Variants in SYT7 observed in about 807,000 individuals in gnomAD.
The protein encoded by SYT7 is synaptotagmin-7.
Under a neutral mutation model 75.1 loss-of-function variants are expected in SYT7, and 29 were observed. The observed-to-expected ratio is 0.39, with a 90% confidence interval of 0.29 to 0.53. The LOEUF is 0.53. Ranked by LOEUF, SYT7 falls within the 20% of genes least tolerant of loss-of-function variation. The pLI is 0.77. For synonymous variants in SYT7, 376 were observed against 401.7 expected (o/e 0.94, Z 0.76); for missense variants, 693 against 953.2 (o/e 0.73, Z 3.59).
At chr11:61,549,182 A>T (rs1222333340) in intron 3 of SYT7, among the ~76,000 whole-genome samples, 3 of 152,008 alleles carry the variant, frequency 2.0e-5, no homozygotes, top group Admixed American at 1.3e-4. Context: ...CCAGAAAAAA[A>T]ATCCACCCAG....
At chr11:61,520,553 G>A (rs969164046) in intron 12 of SYT7, among the ~76,000 whole-genome samples, 4 of 151,676 alleles carry the variant, frequency 2.6e-5, no homozygotes, top group South Asian at 2.1e-4. Context: ...GGTCAGGCAC[G>A]GTGGCTCCTG....
rs1163749295 is a variant in SYT7, at chr11:61,523,416, G to C, written c.1757-142C>G. On this transcript the variant is annotated intron_variant, in intron 11 of 12. Coordinates refer to ENST00000539008, the MANE Select transcript of SYT7 (RefSeq NM_001365809.2). The surrounding 1 kb of genome is among the most constrained non-coding windows in gnomAD (Gnocchi z 5.0). ...CAAGGAAAGACCCAGGCAAGAACAAGAGGGACCTGGGAGAATCAGCAGATG... is the reference window on the plus strand; with the variant it reads ...CAAGGAAAGACCCAGGCAAGAACAACAGGGACCTGGGAGAATCAGCAGATG... 1.7e-5 allele frequency: 13 copies of C among 770,204 alleles called. No homozygotes were observed. The allele number at this position is 770,204 out of a possible 1,614,324, so 47.7% of individuals were successfully genotyped here.
At position 61,551,813 on chromosome 11, in the gene SYT7, G is replaced by A. The variant is rs568603479; in HGVS notation, c.136-350C>T. On this transcript the variant is annotated intron_variant, in intron 2 of 12. Coordinates refer to ENST00000539008, the MANE Select transcript of SYT7 (RefSeq NM_001365809.2). The surrounding 1 kb of genome is among the most constrained non-coding windows in gnomAD (Gnocchi z 5.3). The stretch of plus-strand genomic sequence containing the variant: ...TGCCACGGACAGACGGCTCTCAGGC[G>A]CCTGGCCACGTCACACTGTCCACGT... 3.3e-5 allele frequency among the ~76,000 whole-genome samples: 5 copies of A among 152,142 alleles called. No homozygotes were observed. Among genetic ancestry groups the A allele is most frequent in the East Asian group, 3.9e-4 (2 of 5,186 alleles).
chr11:61,543,498 T>C (rs1468794814), intron 5 of SYT7, among the ~76,000 whole-genome samples: 1 of 152,242 alleles, frequency 6.6e-6, no homozygotes, highest in Non-Finnish European at 1.5e-5. Flanking sequence ...AGATGCAGTA[T>C]AGCCTCAGAG....
chr11:61,528,310 G>T, intron 8 of SYT7, 125 bp from the exon 9 acceptor site: 1 of 1,209,374 alleles, frequency 8.3e-7, no homozygotes, highest in Non-Finnish European at 1.1e-6. Flanking sequence ...TCCCACGGAC[G>T]CTGCTCAGGC....
intron 1 of SYT7, among the ~76,000 whole-genome samples, chr11:61,579,249 A>G (rs1197648427): frequency 6.6e-6 from 1 of 152,234 alleles, no homozygotes; most frequent in East Asian, 1.9e-4. Context: ...GGCTTCTAAG[A>G]AGGTGAGCAG....
chr11:61,534,452 C>CACAA (rs1555004888), intron 7 of SYT7, among the ~76,000 whole-genome samples: 3 of 150,204 alleles, frequency 2.0e-5, no homozygotes, highest in African/African-American at 7.3e-5. Context: ...CACGCACACA[C>CACAA]GCACGTGCGT....
chr11:61,520,980 G>A (rs2062309599), intron 12 of SYT7, among the ~76,000 whole-genome samples: 1 of 152,230 alleles, frequency 6.6e-6, no homozygotes, highest in Non-Finnish European at 1.5e-5. Context: ...CATGTCATGT[G>A]CTCAGCTGGG....
At chr11:61,559,551 G>C (rs2063585679) in intron 1 of SYT7, among the ~76,000 whole-genome samples, 1 of 152,130 alleles carries the variant, frequency 6.6e-6, no homozygotes, top group Non-Finnish European at 1.5e-5. Flanking sequence ...ACAAGCTCAT[G>C]ATCTGGTAGC....
chr11:61,537,768 C>A (rs984858491), intron 7 of SYT7, among the ~76,000 whole-genome samples: 1 of 152,172 alleles, frequency 6.6e-6, no homozygotes, highest in Non-Finnish European at 1.5e-5. Context: ...TCCCCCCCGC[C>A]CACCAACCAC....
At chr11:61,547,785 T>C (rs2063235779) in intron 3 of SYT7, among the ~76,000 whole-genome samples, 1 of 152,070 alleles carries the variant, frequency 6.6e-6, no homozygotes, top group Non-Finnish European at 1.5e-5. Flanking sequence ...GGGCCCTACC[T>C]CTCCTGGCCT....
chr11:61,522,448 C>T (rs1055205776), intron 12 of SYT7, among the ~76,000 whole-genome samples: 4 of 152,160 alleles, frequency 2.6e-5, no homozygotes, highest in African/African-American at 9.7e-5. Flanking sequence ...TCTTGGCCTC[C>T]CAAAGTGCTG....
At chr11:61,545,682 T>C (rs975364971) in intron 5 of SYT7, among the ~76,000 whole-genome samples, 1 of 152,066 alleles carries the variant, frequency 6.6e-6, no homozygotes, top group Non-Finnish European at 1.5e-5. Flanking sequence ...CTGCTGCCCA[T>C]GGAGGGATGA....
intron 12 of SYT7, among the ~76,000 whole-genome samples, chr11:61,520,460 A>G (rs1336840305): frequency 3.9e-5 from 6 of 152,030 alleles, no homozygotes; most frequent in Admixed American, 3.9e-4. Flanking sequence ...GGGGAGGTCG[A>G]GGCTGCAGTC....
intron 1 of SYT7, among the ~76,000 whole-genome samples, chr11:61,565,935 C>A (rs942075954): frequency 4.6e-5 from 7 of 152,248 alleles, no homozygotes; most frequent in Admixed American, 4.6e-4. Flanking sequence ...TAGATGCAGA[C>A]GGTTTAGAAT....
Position 61,515,456 on chromosome 11 carries a change from T to C in SYT7, c.*3171A>G, listed in dbSNP as rs1458439849. ...TGGAAAAATTTTGTATGGTTCTTTTTTTCCTGTTTTTTTTTTTTCTTCAGT... is the reference window on the plus strand; with the variant it reads ...TGGAAAAATTTTGTATGGTTCTTTTCTTCCTGTTTTTTTTTTTTCTTCAGT... On this transcript the variant is annotated 3_prime_UTR_variant, in exon 13 of 13. Transcript: ENST00000539008. 2 of 149,732 alleles carry C rather than the reference T, an allele frequency of 1.3e-5. No individual in the cohort carries two copies. Among genetic ancestry groups the C allele is most frequent in the Non-Finnish European group, 3.0e-5 (2 of 67,180 alleles). The allele number at this position is 149,732 out of a possible 1,614,324, so 9.3% of individuals were successfully genotyped here.
chr11:61,579,882 G>A lies in SYT7; in HGVS notation c.31+908C>T, dbSNP rs544728957. On this transcript the variant is annotated intron_variant, in intron 1 of 12. Coordinates refer to ENST00000539008, the MANE Select transcript of SYT7 (RefSeq NM_001365809.2). The stretch of plus-strand genomic sequence containing the variant: ...TGCTGGGACTGGGTGGAGCACCCCA[G>A]GTGGGAGCGGGGATGGAGCCTGGGC... 5.9e-5 allele frequency among the ~76,000 whole-genome samples: 9 copies of A among 152,356 alleles called. No individual in the cohort carries two copies. The South Asian group carries it at 1.9e-3, about 32-fold the overall frequency.
intron 1 of SYT7, among the ~76,000 whole-genome samples, chr11:61,573,408 G>A (rs1590955256): frequency 6.6e-6 from 1 of 152,140 alleles, no homozygotes; most frequent in African/African-American, 2.4e-5. Context: ...CAAGGGCAGG[G>A]GTCCAGGCTG....
chr11:61,533,638 C>T lies in SYT7; in HGVS notation c.1065-514G>A, dbSNP rs2062778262. The T allele has an allele frequency of 1.1e-5, 11 of 985,288 alleles. No homozygotes were observed. The South Asian group carries it at 3.3e-4, about 29-fold the overall frequency. The allele number at this position is 985,288 out of a possible 1,614,324, so 61.0% of individuals were successfully genotyped here. ...CTTGGGCTCATCAAGAGTTCTCTTC[C>T]CACCCTCCAGACGTGAGACTGACCA... On this transcript the variant is annotated intron_variant, in intron 7 of 12. Transcript: ENST00000539008.
Sources: gnomAD v4.1 joint callset for allele counts (sites outside exome capture counted in the v4.1 genomes callset) on GRCh38, gnomAD v4.1.1 for gene constraint, Gnocchi (gnomAD v3.1) non-coding constraint, MANE v1.5 for transcripts, NCBI Gene and HGNC (gene_info 2026-07-23, HGNC 2026-07-21) for gene names.